Variants in TENM3 observed in about 807,000 individuals in gnomAD.
The protein encoded by TENM3 is teneurin transmembrane protein 3.
In TENM3, 63 loss-of-function variants were observed where a neutral mutation model predicts 255.1. The observed-to-expected ratio is 0.25, with a 90% confidence interval of 0.20 to 0.30. TENM3 has a LOEUF of 0.30. Among genes scored for constraint, TENM3 ranks in the 10% least tolerant of loss-of-function variants. The pLI, the probability that TENM3 is intolerant of heterozygous loss-of-function variation, is 1.00. For missense variants in TENM3, 2,929 were observed against 3,461.1 expected (o/e 0.85, Z 3.86); for synonymous variants, 1,306 against 1,322.3 (o/e 0.99, Z 0.27).
chr4:182,201,842 T>G (rs1188398363), intron 1 of TENM3, among the ~76,000 whole-genome samples: 3 of 152,204 alleles, frequency 2.0e-5, no homozygotes, highest in African/African-American at 4.8e-5. Context: ...GGCATACTTG[T>G]CTTATTAATT....
At chr4:182,579,832 T>G (rs1745314440) in intron 3 of TENM3, among the ~76,000 whole-genome samples, 1 of 152,208 alleles carries the variant, frequency 6.6e-6, no homozygotes, top group South Asian at 2.1e-4. Flanking sequence ...TTACATTAAT[T>G]GAAACATTCA....
At chr4:181,592,195 G>A in the TENM3 span, among the ~76,000 whole-genome samples, 13,501 of 149,668 alleles carry the variant, frequency 0.09, 742 homozygotes, top group Middle Eastern at 0.13. Context: ...CCGATTATAT[G>A]CTTTTAAAAT....
At chr4:181,825,390 G>T in the TENM3 span, among the ~76,000 whole-genome samples, 1 of 100,366 alleles carries the variant, frequency 1.0e-5, no homozygotes, top group Non-Finnish European at 1.8e-5. Flanking sequence ...GATAGAGTGA[G>T]ACTCCATCTC....
intron 3 of TENM3, among the ~76,000 whole-genome samples, chr4:182,529,517 T>G (rs1481662189): frequency 6.6e-6 from 1 of 152,148 alleles, no homozygotes; most frequent in African/African-American, 2.4e-5. Flanking sequence ...GGATGAGTTT[T>G]TAGCTTCCAT....
chr4:182,651,094 A>G (rs1222093393), intron 5 of TENM3, among the ~76,000 whole-genome samples: 1 of 152,110 alleles, frequency 6.6e-6, no homozygotes, highest in Non-Finnish European at 1.5e-5. Flanking sequence ...AAGACTTTTT[A>G]TGTTAAAAGA....
At chr4:182,149,483 T>TA (rs1252988298) in intron 1 of TENM3, among the ~76,000 whole-genome samples, 2 of 152,068 alleles carry the variant, frequency 1.3e-5, no homozygotes, top group Admixed American at 1.3e-4. Context: ...TATTTTAAAT[T>TA]AGTCACTGCA....
chr4:182,067,930 A>T, the TENM3 span, among the ~76,000 whole-genome samples: 1 of 151,858 alleles, frequency 6.6e-6, no homozygotes, highest in Non-Finnish European at 1.5e-5. Flanking sequence ...TTTAGCTGTA[A>T]TTGTTTGCAT....
chr4:182,343,105 C>G (rs1040635909), intron 2 of TENM3, among the ~76,000 whole-genome samples: 1 of 152,134 alleles, frequency 6.6e-6, no homozygotes, highest in African/African-American at 2.4e-5. Flanking sequence ...ATGATGCAGC[C>G]CACCTAGGTT....
chr4:181,924,282 C>T, the TENM3 span, among the ~76,000 whole-genome samples: 1 of 152,150 alleles, frequency 6.6e-6, no homozygotes, highest in African/African-American at 2.4e-5. Flanking sequence ...AAGGAAACAA[C>T]ACAAACATGA....
the TENM3 span, among the ~76,000 whole-genome samples, chr4:181,592,322 G>C: frequency 7.3e-6 from 1 of 136,372 alleles, no homozygotes; most frequent in Non-Finnish European, 1.6e-5. Context: ...AAATACAACA[G>C]ACCATATGGC....
chr4:182,538,723 G>C, intron 3 of TENM3, among the ~76,000 whole-genome samples: 1 of 151,996 alleles, frequency 6.6e-6, no homozygotes, highest in East Asian at 1.9e-4. Flanking sequence ...GAAGTGGGTG[G>C]GTGTTGGAAG....
the TENM3 span, among the ~76,000 whole-genome samples, chr4:181,780,911 T>G: frequency 6.6e-6 from 1 of 152,336 alleles, no homozygotes; most frequent in East Asian, 1.9e-4. Context: ...TTCTCAGGTT[T>G]GTCAAAGATC....
At chr4:181,790,296 T>A in the TENM3 span, among the ~76,000 whole-genome samples, 1 of 152,114 alleles carries the variant, frequency 6.6e-6, no homozygotes, top group African/African-American at 2.4e-5. Context: ...CTTTTAGAGA[T>A]GGTATAAGAA....
At chr4:181,943,531 C>A in the TENM3 span, among the ~76,000 whole-genome samples, 1 of 152,066 alleles carries the variant, frequency 6.6e-6, no homozygotes, top group African/African-American at 2.4e-5. Context: ...CATTTCCATG[C>A]CAATTCAATA....
chr4:182,048,150 T>C, the TENM3 span, among the ~76,000 whole-genome samples: 1 of 152,208 alleles, frequency 6.6e-6, no homozygotes, highest in African/African-American at 2.4e-5. Flanking sequence ...CCCCCCACAA[T>C]TTTAGCAAAG....
intron 3 of TENM3, among the ~76,000 whole-genome samples, chr4:182,431,036 TAAACAAAC>T (rs59913149): frequency 0.46 from 67,566 of 145,946 alleles, 15,875 homozygotes; most frequent in Non-Finnish European, 0.5. Context: ...AATAAATAAA[TAAACAAAC>T]AAACAAACAA....
At chr4:182,560,487 A>G (rs900456048) in intron 3 of TENM3, among the ~76,000 whole-genome samples, 2 of 152,192 alleles carry the variant, frequency 1.3e-5, no homozygotes, top group Non-Finnish European at 2.9e-5. Flanking sequence ...AGCAGAAGCA[A>G]CAGTGAAGCT....
chr4:182,257,909 T>TC (rs1019391187), intron 1 of TENM3, among the ~76,000 whole-genome samples: 1 of 152,114 alleles, frequency 6.6e-6, no homozygotes, highest in African/African-American at 2.4e-5. Context: ...CATACTGCCT[T>TC]CCCCCATCCA....
intron 3 of TENM3, among the ~76,000 whole-genome samples, chr4:182,492,108 A>G (rs935332388): frequency 1.3e-5 from 2 of 152,176 alleles, no homozygotes; most frequent in African/African-American, 4.8e-5. Flanking sequence ...TCTCAAAATA[A>G]GAGACAATAA....
Sources: gnomAD v4.1 joint callset for allele counts (sites outside exome capture counted in the v4.1 genomes callset) on GRCh38, gnomAD v4.1.1 for gene constraint, MANE v1.5 for transcripts, NCBI Gene and HGNC (gene_info 2026-07-23, HGNC 2026-07-21) for gene names.